Variants in GPATCH2 observed in about 807,000 individuals in gnomAD.
GPATCH2 encodes the protein G-patch domain containing 2, also known as G patch domain-containing protein 2.
In GPATCH2, 51 loss-of-function variants were observed where a neutral mutation model predicts 58.0. The observed-to-expected ratio is 0.88, with a 90% CI of 0.70 to 1.11. The LOEUF is 1.11. Ranked by LOEUF, GPATCH2 falls within the 50% of genes most tolerant of loss-of-function variation. The probability of loss-of-function intolerance (pLI) is 0.00; values close to 1 mark genes in which losing one functional copy is unlikely to be tolerated. For missense variants in GPATCH2, 625 were observed against 652.2 expected (o/e 0.96, Z 0.45); for synonymous variants, 222 against 218.5 (o/e 1.02, Z -0.14).
chr1:217,448,968 T>G (rs1302875764), intron 9 of GPATCH2, among the ~76,000 whole-genome samples: 2 of 152,146 alleles, frequency 1.3e-5, no homozygotes, highest in Non-Finnish European at 2.9e-5. Context: ...GACTGTAAAT[T>G]TATAGAGGCC....
intron 5 of GPATCH2, among the ~76,000 whole-genome samples, chr1:217,580,218 C>T (rs1159248077): frequency 2.6e-5 from 4 of 152,144 alleles, no homozygotes; most frequent in Admixed American, 6.6e-5. Context: ...GTATACCACA[C>T]CATAAATCTA....
chr1:217,444,336 T>A (rs1452464775), intron 9 of GPATCH2, among the ~76,000 whole-genome samples: 1 of 152,202 alleles, frequency 6.6e-6, no homozygotes, highest in East Asian at 1.9e-4. Context: ...CCTTAGGTTT[T>A]TGAGCTTGCC....
chr1:217,459,009 A>G (rs1170810114), intron 8 of GPATCH2, among the ~76,000 whole-genome samples: 2 of 152,200 alleles, frequency 1.3e-5, no homozygotes, highest in African/African-American at 4.8e-5. Flanking sequence ...TTTGTTTTTC[A>G]TATATTAAAA....
chr1:217,554,133 C>G (rs534768639), intron 5 of GPATCH2, among the ~76,000 whole-genome samples: 118 of 152,356 alleles, frequency 7.7e-4, no homozygotes, highest in African/African-American at 2.7e-3. Context: ...TGGGTGACAA[C>G]AGAAGCCTTG....
intron 5 of GPATCH2, among the ~76,000 whole-genome samples, chr1:217,561,922 G>T (rs1376319746): frequency 6.6e-6 from 1 of 152,176 alleles, no homozygotes; most frequent in Non-Finnish European, 1.5e-5. Context: ...CTGGGGACTG[G>T]TTCTAGTTTG....
intron 8 of GPATCH2, among the ~76,000 whole-genome samples, chr1:217,468,211 C>T (rs1660549442): frequency 6.6e-6 from 1 of 152,148 alleles, no homozygotes; most frequent in Non-Finnish European, 1.5e-5. Flanking sequence ...CACTATTTTG[C>T]AACCCTTAGT....
chr1:217,469,336 G>A (rs1417809310), intron 8 of GPATCH2, among the ~76,000 whole-genome samples: 1 of 152,102 alleles, frequency 6.6e-6, no homozygotes, highest in African/African-American at 2.4e-5. Flanking sequence ...GTTGAATTAT[G>A]TTAATTTAGT....
chr1:217,484,545 T>C (rs943383367), intron 8 of GPATCH2, among the ~76,000 whole-genome samples: 2 of 96,726 alleles, frequency 2.1e-5, no homozygotes, highest in Non-Finnish European at 4.3e-5. Flanking sequence ...AATCTTTCTA[T>C]ATATAATTAT....
chr1:217,580,371 C>T (rs1411676673), intron 5 of GPATCH2, among the ~76,000 whole-genome samples: 1 of 152,108 alleles, frequency 6.6e-6, no homozygotes, highest in East Asian at 1.9e-4. Flanking sequence ...AATTATGATG[C>T]TGATCTCTAG....
intron 1 of GPATCH2, among the ~76,000 whole-genome samples, chr1:217,624,024 GCTT>G (rs1384154430): frequency 2.6e-5 from 4 of 152,048 alleles, no homozygotes; most frequent in African/African-American, 9.7e-5. Flanking sequence ...ACTTTTAAAA[GCTT>G]TTTTGAAAAA....
chr1:217,513,911 G>A (rs1245515674), intron 6 of GPATCH2, among the ~76,000 whole-genome samples: 8 of 147,800 alleles, frequency 5.4e-5, no homozygotes, highest in East Asian at 2.1e-4. Context: ...TGTAACCTCC[G>A]CCTCCCAAGT....
intron 6 of GPATCH2, among the ~76,000 whole-genome samples, chr1:217,498,974 C>G (rs1428892890): frequency 1.3e-5 from 2 of 152,116 alleles, no homozygotes; most frequent in Non-Finnish European, 2.9e-5. Flanking sequence ...ACTGCATCAT[C>G]AAAGCCTTGC....
chr1:217,610,266 C>T (rs1404003825), intron 5 of GPATCH2, 55 bp downstream of exon 5: 14 of 1,488,738 alleles, frequency 9.4e-6, no homozygotes, highest in Non-Finnish European at 1.3e-5. Flanking sequence ...CTTTTTATTC[C>T]ATAGAAATGG....
At chr1:217,534,185 C>T (rs1281482579) in intron 5 of GPATCH2, among the ~76,000 whole-genome samples, 1 of 152,010 alleles carries the variant, frequency 6.6e-6, no homozygotes, top group Non-Finnish European at 1.5e-5. Flanking sequence ...CACTGCACTC[C>T]AATCTGGTCA....
chr1:217,433,370 ATATATATATATATATTTATTTATT>A (rs913219124), intron 9 of GPATCH2, among the ~76,000 whole-genome samples: 6 of 81,794 alleles, frequency 7.3e-5, no homozygotes, highest in African/African-American at 1.5e-4. Flanking sequence ...TCATATATAT[ATATATATATATATATTTATTTATT>A]TATTTATTTA....
intron 5 of GPATCH2, among the ~76,000 whole-genome samples, chr1:217,556,278 C>G (rs2102680995): frequency 6.6e-6 from 1 of 152,256 alleles, no homozygotes. Flanking sequence ...TTAACATACT[C>G]CAAGTGTCCC....
At chr1:217,600,727 C>T (rs572444173) in intron 5 of GPATCH2, among the ~76,000 whole-genome samples, 1 of 151,880 alleles carries the variant, frequency 6.6e-6, no homozygotes, top group African/African-American at 2.4e-5. Flanking sequence ...TAAAAGACAA[C>T]TAAAAAAAGG....
chr1:217,503,975 A>G (rs1180369837), intron 6 of GPATCH2, among the ~76,000 whole-genome samples: 1 of 152,156 alleles, frequency 6.6e-6, no homozygotes, highest in South Asian at 2.1e-4. Context: ...GAGGTTTGCC[A>G]AAGACTTCAT....
rs1434439038 is a variant in GPATCH2, at chr1:217,498,395, G to A, written c.1167C>T (p.Asp389=). The change falls in exon 7 of 10, where the codon GAC becomes GAT. Residue 389 remains aspartate, a splice_region_variant and synonymous_variant. Coordinates refer to ENST00000366935, the MANE Select transcript of GPATCH2 (RefSeq NM_018040.5). ...VHFSPDSHHH[D]HWFSPGARTE... The stretch of plus-strand genomic sequence containing the variant: ...TCCTAGCCCCAGGGCTAAACCAATG[G>A]CTGCAGAGGAAAGAAAAAGGCAGTT... 18 of 1,612,048 alleles carry A rather than the reference G, an allele frequency of 1.1e-5. No homozygotes were observed. In the East Asian group the frequency reaches 3.8e-4, roughly 34 times the overall value.
Sources: gnomAD v4.1 joint callset for allele counts (sites outside exome capture counted in the v4.1 genomes callset) on GRCh38, gnomAD v4.1.1 for gene constraint, MANE v1.5 for transcripts, NCBI Gene and HGNC (gene_info 2026-07-23, HGNC 2026-07-21) for gene names.